UVRAG: variants seen among roughly 807,000 people sequenced by gnomAD.
UVRAG encodes UV radiation resistance-associated gene protein.
A neutral mutation model predicts 78.0 loss-of-function variants in UVRAG; 19 were observed. The observed-to-expected ratio is 0.24, with a 90% CI of 0.17 to 0.36. UVRAG has a LOEUF of 0.36. Among genes scored for constraint, UVRAG ranks in the 10% least tolerant of loss-of-function variants. The pLI, the probability that UVRAG is intolerant of heterozygous loss-of-function variation, is 1.00. For synonymous variants in UVRAG, 323 were observed against 324.6 expected (o/e 1.00, Z 0.05); for missense variants, 740 against 853.8 (o/e 0.87, Z 1.66).
At chr11:75,952,518 T>C (rs1234790996) in intron 6 of UVRAG, among the ~76,000 whole-genome samples, 2 of 152,064 alleles carry the variant, frequency 1.3e-5, no homozygotes, top group African/African-American at 2.4e-5. Flanking sequence ...TCTTTTAAGA[T>C]AATTATGATC....
intron 1 of UVRAG, among the ~76,000 whole-genome samples, chr11:75,846,741 C>A (rs1021540339): frequency 6.6e-6 from 1 of 152,040 alleles, no homozygotes; most frequent in South Asian, 2.1e-4. Context: ...ATTCTGTTCT[C>A]GTCTGTTTGT....
intron 12 of UVRAG, among the ~76,000 whole-genome samples, chr11:76,022,124 G>A (rs796826788): frequency 4.6e-4 from 70 of 151,860 alleles, no homozygotes; most frequent in African/African-American, 1.4e-3. Context: ...TTGAGTTCTC[G>A]TTTTATTCCA....
At chr11:75,920,723 T>C (rs1428429595) in intron 6 of UVRAG, among the ~76,000 whole-genome samples, 1 of 152,202 alleles carries the variant, frequency 6.6e-6, no homozygotes, top group Non-Finnish European at 1.5e-5. Flanking sequence ...CTATATGTCA[T>C]AGATATGATT....
chr11:75,852,074 G>A lies in UVRAG; in HGVS notation c.235+74G>A, dbSNP rs1332069180. 5.7e-6 allele frequency: 6 copies of A among 1,045,704 alleles called. No homozygotes were observed. The East Asian group carries it at 1.0e-4, about 17-fold the overall frequency. 64.8% of individuals were successfully genotyped at this position (1,045,704 alleles called of 1,614,324 possible). A position where few individuals can be genotyped will look rare whatever the true frequency, so the allele number is the denominator to read the frequency against. On this transcript the variant is annotated intron_variant, in intron 2 of 14. Transcript: ENST00000356136. ...TTTTTTGTAACACAAGTGATTCTCA[G>A]TGCCTCCTGCTTTTGTGGCTTCTCG...
At chr11:75,826,554 C>T (rs1479210371) in intron 1 of UVRAG, among the ~76,000 whole-genome samples, 2 of 152,206 alleles carry the variant, frequency 1.3e-5, no homozygotes, top group Non-Finnish European at 1.5e-5. Context: ...TTTTAACGTT[C>T]TCTTTAAGGG....
At chr11:76,053,833 G>A (rs1338664491) in intron 12 of UVRAG, among the ~76,000 whole-genome samples, 4 of 152,006 alleles carry the variant, frequency 2.6e-5, no homozygotes, top group Non-Finnish European at 5.9e-5. Flanking sequence ...AGCCACACAT[G>A]GTGGCATGCG....
At chr11:76,123,001 C>T (rs1367236229) in intron 14 of UVRAG, among the ~76,000 whole-genome samples, 8 of 152,284 alleles carry the variant, frequency 5.3e-5, no homozygotes, top group East Asian at 1.9e-4. Context: ...GTGTGCCAAG[C>T]GCCTTGCCAA....
rs1948077176 is a variant in UVRAG at position 75,925,388 on chromosome 11, T to C, written c.593+13349T>C. Among the ~76,000 whole-genome samples the C allele has an allele frequency of 2.0e-5, 3 of 152,350 alleles. No individual in the cohort carries two copies. The South Asian group carries it at 6.2e-4, about 32-fold the overall frequency. On this transcript the variant is annotated intron_variant, in intron 6 of 14. Transcript: ENST00000356136. ...TATCAACTGGCCCTTGGAGTAACTT[T>C]TGTTCTAAAAGTGGATGTTTCACCT...
chr11:75,925,839 A>G (rs547559283), intron 6 of UVRAG, among the ~76,000 whole-genome samples: 30 of 152,326 alleles, frequency 2.0e-4, no homozygotes, highest in African/African-American at 7.0e-4. Context: ...CAATTCCAAT[A>G]CTATTACAAG....
chr11:76,110,222 ATATATATATG>A (rs1952046251), intron 13 of UVRAG, among the ~76,000 whole-genome samples: 1 of 149,982 alleles, frequency 6.7e-6, no homozygotes, highest in Non-Finnish European at 1.5e-5. Context: ...ATATATATAT[ATATATATATG>A]TATTAGTAAT....
At chr11:75,936,377 A>T (rs931124302) in intron 6 of UVRAG, among the ~76,000 whole-genome samples, 19 of 152,344 alleles carry the variant, frequency 1.2e-4, no homozygotes, top group Middle Eastern at 3.4e-3. Flanking sequence ...TAATTTTTTT[A>T]AATGATAGTT....
intron 6 of UVRAG, among the ~76,000 whole-genome samples, chr11:75,950,443 C>T (rs778028622): frequency 3.9e-5 from 6 of 152,024 alleles, no homozygotes; most frequent in Non-Finnish European, 8.8e-5. Context: ...TTAGCGACAG[C>T]GTCTTGCTGT....
At chr11:76,034,967 A>G (rs1233178465) in intron 12 of UVRAG, among the ~76,000 whole-genome samples, 1 of 152,172 alleles carries the variant, frequency 6.6e-6, no homozygotes, top group Non-Finnish European at 1.5e-5. Context: ...ACTTTTTATT[A>G]TTTTAATTTG....
chr11:76,135,886 A>G (rs1156233955), intron 14 of UVRAG, among the ~76,000 whole-genome samples: 1 of 152,184 alleles, frequency 6.6e-6, no homozygotes, highest in Non-Finnish European at 1.5e-5. Context: ...TCCTCCCAAA[A>G]CACACACATT....
intron 11 of UVRAG, among the ~76,000 whole-genome samples, chr11:76,011,443 G>C (rs562140426): frequency 6.6e-6 from 1 of 152,224 alleles, no homozygotes; most frequent in Non-Finnish European, 1.5e-5. Context: ...GACCGATATG[G>C]TGAAACACTG....
intron 13 of UVRAG, among the ~76,000 whole-genome samples, chr11:76,066,083 T>C (rs1951179538): frequency 6.6e-6 from 1 of 152,206 alleles, no homozygotes; most frequent in Admixed American, 6.5e-5. Context: ...TCATCATCTC[T>C]TGCCTCTGCA....
chr11:76,140,082 CCCCT>C (rs1472366890), intron 14 of UVRAG, among the ~76,000 whole-genome samples: 7 of 5,754 alleles, frequency 1.2e-3, no homozygotes, highest in African/African-American at 2.7e-3. Flanking sequence ...TCCCTCCCTC[CCCCT>C]CTCCCCCTCC....
At chr11:75,944,177 A>G (rs569996523) in intron 6 of UVRAG, among the ~76,000 whole-genome samples, 2 of 152,104 alleles carry the variant, frequency 1.3e-5, no homozygotes, top group Admixed American at 1.3e-4. Flanking sequence ...CCAATACCCT[A>G]AACAGCAGTT....
intron 12 of UVRAG, among the ~76,000 whole-genome samples, chr11:76,024,166 C>G (rs1290763941): frequency 6.6e-6 from 1 of 152,114 alleles, no homozygotes; most frequent in African/African-American, 2.4e-5. Context: ...CCAGGAAAAT[C>G]ACTTTGCGAG....
Sources: gnomAD v4.1 joint callset for allele counts (sites outside exome capture counted in the v4.1 genomes callset) on GRCh38, gnomAD v4.1.1 for gene constraint, MANE v1.5 for transcripts, NCBI Gene and HGNC (gene_info 2026-07-23, HGNC 2026-07-21) for gene names.